Variants in RANBP2 observed in about 807,000 individuals in gnomAD.
RANBP2 encodes E3 SUMO-protein ligase RanBP2.
RANBP2 carries 57 observed loss-of-function variants against 303.6 expected under a neutral mutation model. That is an observed-to-expected ratio of 0.19 (90% CI 0.15 to 0.23). The LOEUF (loss-of-function observed/expected upper bound fraction) is 0.23. Among genes scored for constraint, RANBP2 ranks in the 10% least tolerant of loss-of-function variants. RANBP2 has a pLI of 1.00. For missense variants in RANBP2, 3,138 were observed against 3,780.8 expected, an observed-to-expected ratio of 0.83 and a Z score of 4.46; for synonymous variants, 1,167 against 1,301.5, an observed-to-expected ratio of 0.90 and a Z score of 2.23.
At chr2:109,400,599 T>A in the RANBP2 span, among the ~76,000 whole-genome samples, 20 of 149,030 alleles carry the variant, frequency 1.3e-4, no homozygotes, top group African/African-American at 4.9e-4. Context: ...ACTTGTGAAC[T>A]TATATGCGTC....
chr2:108,902,835 A>G, the RANBP2 span, among the ~76,000 whole-genome samples: 3 of 152,238 alleles, frequency 2.0e-5, no homozygotes, highest in Non-Finnish European at 2.9e-5. Context: ...AAGATCAGAA[A>G]TAAGGCAAGG....
chr2:109,051,906 G>A, the RANBP2 span, among the ~76,000 whole-genome samples: 1 of 151,934 alleles, frequency 6.6e-6, no homozygotes, highest in Non-Finnish European at 1.5e-5. Flanking sequence ...CCACCACCAT[G>A]CCCAGCTAAT....
the RANBP2 span, among the ~76,000 whole-genome samples, chr2:109,082,256 C>T: frequency 6.6e-6 from 1 of 152,198 alleles, no homozygotes; most frequent in Non-Finnish European, 1.5e-5. Context: ...AGGACTCAGT[C>T]AGCTCCTGGT....
At chr2:109,059,331 T>C in the RANBP2 span, among the ~76,000 whole-genome samples, 1 of 152,194 alleles carries the variant, frequency 6.6e-6, no homozygotes, top group Non-Finnish European at 1.5e-5. Context: ...ATCCCAACAC[T>C]TTGGGAGGCC....
At chr2:108,851,391 T>C in the RANBP2 span, among the ~76,000 whole-genome samples, 2 of 152,156 alleles carry the variant, frequency 1.3e-5, no homozygotes, top group Non-Finnish European at 2.9e-5. Context: ...AACCTCTGCC[T>C]CCCAGGTTCA....
At chr2:109,336,400 C>G in the RANBP2 span, among the ~76,000 whole-genome samples, 1 of 152,216 alleles carries the variant, frequency 6.6e-6, no homozygotes, top group African/African-American at 2.4e-5. Flanking sequence ...GATTGACTCA[C>G]TAGCATGCAA....
chr2:108,929,259 C>T, the RANBP2 span: 4 of 1,614,154 alleles, frequency 2.5e-6, no homozygotes, highest in Admixed American at 3.3e-5. Flanking sequence ...AGCACGGTGG[C>T]CCGGAAGAAG....
the RANBP2 span, among the ~76,000 whole-genome samples, chr2:109,447,420 G>A: frequency 2.0e-5 from 3 of 152,148 alleles, no homozygotes; most frequent in South Asian, 2.1e-4. Flanking sequence ...CATAGTTGGG[G>A]GCTGAGAAGA....
At chr2:108,749,658 C>A (rs189000548) in intron 9 of RANBP2, among the ~76,000 whole-genome samples, 1 of 152,146 alleles carries the variant, frequency 6.6e-6, no homozygotes, top group Non-Finnish European at 1.5e-5. Flanking sequence ...GTGGCATGAT[C>A]GTAGGTCACT....
chr2:109,227,283 G>A, the RANBP2 span, among the ~76,000 whole-genome samples: 1 of 152,124 alleles, frequency 6.6e-6, no homozygotes, highest in Non-Finnish European at 1.5e-5. Context: ...GCTAGAAGAA[G>A]CTCTGTGAAT....
chr2:109,416,904 C>CAA, the RANBP2 span, among the ~76,000 whole-genome samples: 64 of 64,320 alleles, frequency 1.0e-3, no homozygotes, highest in East Asian at 3.7e-3. Context: ...GACTTCATCT[C>CAA]AAAAAAAAAA....
the RANBP2 span, among the ~76,000 whole-genome samples, chr2:109,481,102 C>T: frequency 3.4e-4 from 52 of 152,336 alleles, 1 homozygote; most frequent in Admixed American, 2.4e-3. Context: ...AAGAATCTGA[C>T]AGCTGTTCAG....
chr2:109,143,090 G>T, the RANBP2 span, among the ~76,000 whole-genome samples: 1 of 152,144 alleles, frequency 6.6e-6, no homozygotes, highest in Admixed American at 6.5e-5. Context: ...AGTGTGGGGG[G>T]CCTGCCATGA....
At chr2:109,381,380 C>A in the RANBP2 span, among the ~76,000 whole-genome samples, 1 of 152,172 alleles carries the variant, frequency 6.6e-6, no homozygotes, top group African/African-American at 2.4e-5. Context: ...GGCGGGGTTA[C>A]TTTTACACCT....
chr2:109,169,814 A>C, the RANBP2 span, among the ~76,000 whole-genome samples: 1 of 152,124 alleles, frequency 6.6e-6, no homozygotes, highest in Non-Finnish European at 1.5e-5. Context: ...TACTCAGAAA[A>C]AGATAAGTCA....
chr2:108,889,838 C>T, the RANBP2 span, among the ~76,000 whole-genome samples: 1 of 152,014 alleles, frequency 6.6e-6, no homozygotes, highest in Non-Finnish European at 1.5e-5. Flanking sequence ...TTCATATATT[C>T]TTTGTTCCTT....
the RANBP2 span, among the ~76,000 whole-genome samples, chr2:108,824,068 CAGTG>C: frequency 1.3e-5 from 2 of 151,960 alleles, no homozygotes; most frequent in Admixed American, 6.6e-5. Flanking sequence ...CTGGGAGAGT[CAGTG>C]AGTGAGTAGT....
chr2:108,762,733 A>G (rs1386295837), intron 19 of RANBP2, among the ~76,000 whole-genome samples: 2 of 151,088 alleles, frequency 1.3e-5, no homozygotes, highest in African/African-American at 2.4e-5. Context: ...TTAAAATGAG[A>G]TAATAATGTA....
chr2:109,207,022 C>T, the RANBP2 span, among the ~76,000 whole-genome samples: 1 of 152,148 alleles, frequency 6.6e-6, no homozygotes, highest in Non-Finnish European at 1.5e-5. Flanking sequence ...AGGTGAGAAC[C>T]ACTCAGGGCC....
Sources: gnomAD v4.1 joint callset for allele counts (sites outside exome capture counted in the v4.1 genomes callset) on GRCh38, gnomAD v4.1.1 for gene constraint, MANE v1.5 for transcripts, NCBI Gene and HGNC (gene_info 2026-07-23, HGNC 2026-07-21) for gene names.